Variants in FCHO1 observed in about 807,000 individuals in gnomAD.
The protein encoded by FCHO1 is FCH and mu domain containing endocytic adaptor 1.
Under a neutral mutation model 114.4 loss-of-function variants are expected in FCHO1, and 45 were observed. The observed-to-expected ratio is 0.39, with a 90% CI of 0.31 to 0.50. FCHO1 has a LOEUF of 0.50. Ranked by LOEUF, FCHO1 falls within the 20% of genes least tolerant of loss-of-function variation. The pLI, the probability that FCHO1 is intolerant of heterozygous loss-of-function variation, is 0.77. For missense variants in FCHO1, 1,042 were observed against 1,209.6 expected, an observed-to-expected ratio of 0.86 and a Z score of 2.06; for synonymous variants, 480 against 488.9, an observed-to-expected ratio of 0.98 and a Z score of 0.24.
chr19:17,772,767 C>T lies in FCHO1; in HGVS notation c.790+26C>T, dbSNP rs373993279. On this transcript the variant is annotated intron_variant, in intron 11 of 28. Transcript: ENST00000596536. Reference sequence around the variant, plus strand: ...GTGAGTCAGGGCAGCCATTGGGGGTCGGGCTTCGGGGCCACAGCTGCAGAC... The same window carrying T: ...GTGAGTCAGGGCAGCCATTGGGGGTTGGGCTTCGGGGCCACAGCTGCAGAC... 2.3e-5 allele frequency: 36 copies of T among 1,565,390 alleles called. No homozygotes were observed. In the Admixed American group the frequency reaches 3.2e-4, roughly 14 times the overall value.
chr19:17,768,724 G>A (rs76977973), intron 7 of FCHO1, among the ~76,000 whole-genome samples: 9,991 of 141,330 alleles, frequency 0.071, 761 homozygotes, highest in African/African-American at 0.19. Context: ...AAAAAAAAAA[G>A]GAGAGAGAGA....
At chr19:17,780,396 T>G (rs988922125) in intron 20 of FCHO1, among the ~76,000 whole-genome samples, 1 of 152,034 alleles carries the variant, frequency 6.6e-6, no homozygotes, top group Non-Finnish European at 1.5e-5. Flanking sequence ...ACTCCTGACC[T>G]CAGGTGATCT....
chr19:17,752,251 T>C (rs2082149015), intron 1 of FCHO1: 1 of 151,434 alleles, frequency 6.6e-6, no homozygotes, highest in Non-Finnish European at 1.5e-5. Context: ...TATGTATGTA[T>C]GTATGTATTT....
In FCHO1 at chr19:17,784,882, G is replaced by GCAC; in HGVS notation, c.2384_2385insCAC (p.Gly795_Glu796insThr). ...AACGTCCAGATCCTGCTGCCTGTGG[G>GCAC]GGAGCCTGTGACCAACGTCCGCTTG... is the stretch of plus-strand genomic sequence containing the variant. On this transcript the variant is annotated inframe_insertion, in exon 26 of 29. Transcript: ENST00000596536. This position sits in a 1 kb window ranked among gnomAD's most constrained non-coding sequence, Gnocchi z 5.3. The GCAC allele has an allele frequency of 6.2e-7, 1 of 1,613,370 alleles. No individual in the cohort carries two copies. Among genetic ancestry groups the GCAC allele is most frequent in the Non-Finnish European group, 8.5e-7 (1 of 1,180,028 alleles).
intron 20 of FCHO1, among the ~76,000 whole-genome samples, chr19:17,780,160 T>A (rs905132855): frequency 3.9e-5 from 3 of 77,590 alleles, no homozygotes; most frequent in Non-Finnish European, 8.8e-5. Flanking sequence ...CAGAAGAAGC[T>A]CTTTTTTTTT....
In FCHO1 at chr19:17,775,991, G is replaced by A. The variant is rs374706299; in HGVS notation, c.1012G>A (p.Glu338Lys). ...RPDVTQNSTA[E>K]PSRFSSSDSD... ...CCTTGACTGCAGCCCACGCACGGCC[G>A]AGCCCTCCCGTTTCTCGTCCAGCGA... Residue 338 changes from glutamate to lysine, a missense_variant, in exon 16 of 29, where the codon GAG becomes AAG. Coordinates refer to ENST00000596536, the MANE Select transcript of FCHO1 (RefSeq NM_015122.3). This position sits in a 1 kb window ranked among gnomAD's most constrained non-coding sequence, Gnocchi z 5.1. 16 of 1,607,450 alleles carry A rather than the reference G, an allele frequency of 1.0e-5. No homozygotes were observed. Among genetic ancestry groups the A allele is most frequent in the Non-Finnish European group, 1.1e-5 (13 of 1,179,880 alleles).
At chr19:17,767,661 CA>C (rs2089897685) in intron 7 of FCHO1, among the ~76,000 whole-genome samples, 1 of 151,288 alleles carries the variant, frequency 6.6e-6, no homozygotes, top group Non-Finnish European at 1.5e-5. Flanking sequence ...AATAAAATTT[CA>C]CCACATGTGA....
At position 17,778,493 on chromosome 19, in the gene FCHO1, G is replaced by C. The variant is rs1436809291; in HGVS notation, c.1352-116G>C. 4.2e-6 allele frequency: 5 copies of C among 1,192,942 alleles called. No homozygotes were observed. In the East Asian group the frequency reaches 1.3e-4, roughly 31 times the overall value. 73.9% of individuals were successfully genotyped at this position (1,192,942 alleles called of 1,614,324 possible). On this transcript the variant is annotated intron_variant, in intron 19 of 28. Transcript: ENST00000596536. ...GTGTAGCCTTGGGGGCGTGCACAAG[G>C]ACTTTGAATGGGGGCCCCCCTGACC...
At chr19:17,768,975 C>T (rs2090431793) in intron 7 of FCHO1, among the ~76,000 whole-genome samples, 1 of 124,678 alleles carries the variant, frequency 8.0e-6, no homozygotes, top group African/African-American at 3.2e-5. Context: ...ACAGTGAGAC[C>T]CCATCTCTTA....
intron 19 of FCHO1, 176 bp downstream of exon 19, chr19:17,778,404 T>C (rs1455756133): frequency 2.6e-5 from 20 of 760,638 alleles, no homozygotes; most frequent in Non-Finnish European, 3.6e-5. Flanking sequence ...GGGTGGGGCC[T>C]TGGCCAGTGG....
In FCHO1 at chr19:17,776,169, G is replaced by A. The variant is rs201279364; in HGVS notation, c.1182+8G>A. On this transcript the variant is annotated splice_region_variant and intron_variant, in intron 16 of 28. Transcript: ENST00000596536. This position sits in a 1 kb window ranked among gnomAD's most constrained non-coding sequence, Gnocchi z 4.4. ...CTTCCTCCTGGCCCAGGGGTGAGGC[G>A]TGGGAGGGGTGCCCTGGGTGTTGCT... 2.5e-4 allele frequency: 399 copies of A among 1,613,902 alleles called. No individual in the cohort carries two copies. The highest frequency in any genetic ancestry group is 3.2e-4 in the Non-Finnish European group (377 of 1,179,964).
Position 17,788,483 on chromosome 19 carries a change from C to G in FCHO1, c.*177C>G. 1.7e-6 allele frequency: 1 copy of G among 584,260 alleles called. No homozygotes were observed. The highest frequency in any genetic ancestry group is 3.1e-6 in the Non-Finnish European group (1 of 323,724). The allele number at this position is 584,260 out of a possible 1,614,324, so 36.2% of individuals were successfully genotyped here. ...CGAGATTCGCTCCTCCCCCTCATGC[C>G]AACCCCACACAGGTCCCGGCCTTTT... On this transcript the variant is annotated 3_prime_UTR_variant, in exon 29 of 29. Coordinates refer to ENST00000596536, the MANE Select transcript of FCHO1 (RefSeq NM_015122.3).
intron 3 of FCHO1, chr19:17,754,895 TGTGGAATTG>T: frequency 2.0e-6 from 1 of 494,686 alleles, no homozygotes; most frequent in Non-Finnish European, 3.7e-6. Context: ...GTTCTGACTC[TGTGGAATTG>T]GGGGCATCTG....
chr19:17,774,490 C>T lies in FCHO1; in HGVS notation c.920+12C>T. ...CCACCTGCAGCTGTGTGAGGAAGCA[C>T]CCCTGCCCGGTCTGGCCCAGGCTAG... is the stretch of plus-strand genomic sequence containing the variant. On this transcript the variant is annotated intron_variant, in intron 13 of 28. Transcript: ENST00000596536. 1 of 1,610,386 alleles carries T rather than the reference C, an allele frequency of 6.2e-7. No homozygotes were observed. The highest frequency in any genetic ancestry group is 1.1e-5 in the South Asian group (1 of 90,948).
In FCHO1 at chr19:17,771,345, C is replaced by A. The variant is rs188577633; in HGVS notation, c.594+449C>A. On this transcript the variant is annotated intron_variant, in intron 9 of 28. Coordinates refer to ENST00000596536, the MANE Select transcript of FCHO1 (RefSeq NM_015122.3). ...AAGTGATAGAAGCCTTCATTCAAAC[C>A]GACAGGTGTATATAAAAAAAAAAAA... Among the ~76,000 whole-genome samples, 150 of 148,050 alleles carry A rather than the reference C, an allele frequency of 1.0e-3. 1 individual carries two copies. The highest frequency in any genetic ancestry group is 3.6e-3 in the African/African-American group (144 of 40,272).
intron 11 of FCHO1, among the ~76,000 whole-genome samples, chr19:17,774,003 T>C (rs887666984): frequency 1.3e-5 from 2 of 151,756 alleles, no homozygotes; most frequent in African/African-American, 4.8e-5. Flanking sequence ...CTCCGCCTCC[T>C]GGGTTCAAGC....
intron 20 of FCHO1, among the ~76,000 whole-genome samples, chr19:17,779,744 A>G (rs1203185015): frequency 4.8e-5 from 1 of 20,632 alleles, no homozygotes; most frequent in Non-Finnish European, 9.3e-5. Flanking sequence ...AGGATGGGGA[A>G]GGGGTGGAGT....
In FCHO1 at chr19:17,786,604, G is replaced by T; in HGVS notation, c.2457G>T (p.Arg819Ser). 1.3e-6 allele frequency: 2 copies of T among 1,521,160 alleles called. No individual in the cohort carries two copies. Among genetic ancestry groups the T allele is most frequent in the East Asian group, 2.6e-5 (1 of 38,356 alleles). The allele number at this position is 1,521,160 out of a possible 1,614,324, so 94.2% of individuals were successfully genotyped here. A position where few individuals can be genotyped will look rare whatever the true frequency, so the allele number is the denominator to read the frequency against. Reference protein sequence around the residue: ...WNLEEKRLTWRLPDVSEAGGS... With the variant: ...WNLEEKRLTWSLPDVSEAGGS... ...TGGAGGAGAAGCGGCTCACTTGGAGGCTTCCAGATGTGTCCGAGGCAGGCG... is the reference window on the plus strand; with the variant it reads ...TGGAGGAGAAGCGGCTCACTTGGAGTCTTCCAGATGTGTCCGAGGCAGGCG... The change falls in exon 27 of 29, where the codon AGG (arginine) becomes AGT (serine). Residue 819 changes from arginine (R) to serine (S), a missense_variant. Physicochemically the swap from Arg to Ser is moderately radical, Grantham distance 110 (BLOSUM62 -1). Around this residue, in one of 3 missense-constraint regions of FCHO1, gnomAD observed 137 missense variants for 190.0 expected, o/e 0.72. Coordinates refer to ENST00000596536, the MANE Select transcript of FCHO1 (RefSeq NM_015122.3).
chr19:17,753,171 C>T (rs1406886442), intron 1 of FCHO1, among the ~76,000 whole-genome samples: 2 of 152,122 alleles, frequency 1.3e-5, no homozygotes, highest in Non-Finnish European at 2.9e-5. Flanking sequence ...TGCTTAGGGT[C>T]CTGGTCATGG....
Sources: allele counts gnomAD v4.1 joint callset (sites outside exome capture counted in the v4.1 genomes callset), GRCh38; gene constraint gnomAD v4.1.1; regional missense constraint gnomAD v4.1.1; non-coding constraint Gnocchi (gnomAD v3.1); transcripts MANE v1.5; gene names NCBI Gene and HGNC (gene_info 2026-07-23, HGNC 2026-07-21).